The following TMEM117 variants were observed in gnomAD, a reference collection of about 807,000 sequenced individuals.
TMEM117 encodes the protein transmembrane protein 117.
Under a neutral mutation model 52.4 loss-of-function variants are expected in TMEM117, and 27 were observed. The ratio of observed to expected loss-of-function variants is 0.51; its 90% CI spans 0.38 to 0.71. The LOEUF is 0.71. Ranked by LOEUF, TMEM117 falls within the 30% of genes least tolerant of loss-of-function variation. The pLI, the probability that TMEM117 is intolerant of heterozygous loss-of-function variation, is 0.00. For missense variants in TMEM117, 556 were observed against 630.5 expected, an observed-to-expected ratio of 0.88 and a Z score of 1.26; for synonymous variants, 215 against 206.3, an observed-to-expected ratio of 1.04 and a Z score of -0.36.
chr12:44,090,839 G>GTGTTTTT (rs1947655828), intron 3 of TMEM117, among the ~76,000 whole-genome samples: 3 of 104,802 alleles, frequency 2.9e-5, no homozygotes, highest in South Asian at 5.7e-4. Flanking sequence ...GTATTTATGT[G>GTGTTTTT]TTTTTTTTTG....
chr12:44,238,467 A>G (rs1001327494), intron 5 of TMEM117, among the ~76,000 whole-genome samples: 4 of 152,114 alleles, frequency 2.6e-5, no homozygotes, highest in African/African-American at 7.2e-5. Flanking sequence ...ATCGCTATGA[A>G]AAAACTCAAC....
At chr12:44,006,387 T>G (rs926713960) in intron 3 of TMEM117, among the ~76,000 whole-genome samples, 1 of 152,132 alleles carries the variant, frequency 6.6e-6, no homozygotes, top group Non-Finnish European at 1.5e-5. Context: ...AGTGGGTACT[T>G]AGGAGAGAAA....
intron 4 of TMEM117, among the ~76,000 whole-genome samples, chr12:44,156,284 T>G (rs935119643): frequency 6.6e-6 from 1 of 152,082 alleles, no homozygotes; most frequent in Non-Finnish European, 1.5e-5. Context: ...GTACTTAATA[T>G]GCATTGTGGA....
At chr12:43,973,285 A>T (rs1048778305) in intron 3 of TMEM117, among the ~76,000 whole-genome samples, 9 of 152,222 alleles carry the variant, frequency 5.9e-5, no homozygotes, top group African/African-American at 1.9e-4. Flanking sequence ...GCAAGACAAA[A>T]AATGGAGAAA....
Position 44,006,743 on chromosome 12 carries a change from AT to A in TMEM117, c.410+62410del, listed in dbSNP as rs202224638. Among the ~76,000 whole-genome samples, 519 of 151,354 alleles carry A rather than the reference AT, an allele frequency of 3.4e-3. 5 individuals carry two copies. Among genetic ancestry groups the A allele is most frequent in the African/African-American group, 0.011 (468 of 41,304 alleles). On this transcript the variant is annotated intron_variant, in intron 3 of 7. Coordinates refer to ENST00000266534, the MANE Select transcript of TMEM117 (RefSeq NM_032256.3). ...AAAGATATCTCATAGCTCCACTTTC[AT>A]TTTTTTTTGTTTATAAAATATTCAC...
chr12:43,918,204 TG>T (rs1295109713), intron 2 of TMEM117, among the ~76,000 whole-genome samples: 3 of 152,204 alleles, frequency 2.0e-5, no homozygotes, highest in African/African-American at 7.2e-5. Context: ...TGTCATTGCC[TG>T]GAACAGTTCT....
chr12:44,366,603 C>G (rs930372020), intron 6 of TMEM117, among the ~76,000 whole-genome samples: 1 of 152,210 alleles, frequency 6.6e-6, no homozygotes, highest in South Asian at 2.1e-4. Context: ...TGACCTAACC[C>G]TCATTGAAGA....
chr12:44,227,697 T>C (rs1256923004), intron 5 of TMEM117, among the ~76,000 whole-genome samples: 1 of 152,158 alleles, frequency 6.6e-6, no homozygotes, highest in Admixed American at 6.6e-5. Context: ...AAGGTCCTTT[T>C]TGAGCATTGT....
At chr12:44,287,143 C>A (rs982768649) in intron 5 of TMEM117, among the ~76,000 whole-genome samples, 1 of 152,178 alleles carries the variant, frequency 6.6e-6, no homozygotes, top group Admixed American at 6.5e-5. Flanking sequence ...CTTAGTCTCA[C>A]ATTCTAATTT....
the TMEM117 span, among the ~76,000 whole-genome samples, chr12:43,828,974 G>T: frequency 1.3e-5 from 2 of 152,096 alleles, no homozygotes; most frequent in Non-Finnish European, 2.9e-5. Context: ...TAAAGAGACA[G>T]GACCTTGTTA....
rs560994101 is a variant in TMEM117 at position 43,890,692 on chromosome 12, C to G, written c.277+45764C>G. 3.9e-5 allele frequency among the ~76,000 whole-genome samples: 6 copies of G among 152,156 alleles called. No individual in the cohort carries two copies. The East Asian group carries it at 9.7e-4, about 25-fold the overall frequency. On this transcript the variant is annotated intron_variant, in intron 2 of 7. Transcript: ENST00000266534. ...GATTACAGGCATCCGCCACCACACC[C>G]GGCTAGTTTTTGTATTTTCAGTAGA...
At chr12:43,996,492 A>C (rs1205803160) in intron 3 of TMEM117, among the ~76,000 whole-genome samples, 1 of 151,870 alleles carries the variant, frequency 6.6e-6, no homozygotes, top group African/African-American at 2.4e-5. Context: ...AAATACAAAA[A>C]ATTAGCTGGG....
At chr12:44,184,330 A>G (rs1273516623) in intron 4 of TMEM117, among the ~76,000 whole-genome samples, 1 of 152,156 alleles carries the variant, frequency 6.6e-6, no homozygotes, top group East Asian at 1.9e-4. Flanking sequence ...GGGTGACAGA[A>G]TGGGACTCCA....
chr12:43,830,744 G>A, the TMEM117 span, among the ~76,000 whole-genome samples: 1 of 152,144 alleles, frequency 6.6e-6, no homozygotes, highest in Non-Finnish European at 1.5e-5. Context: ...AAGCAGGGCA[G>A]GGGTGAAATG....
At chr12:43,841,027 G>A (rs142017772) in intron 1 of TMEM117, among the ~76,000 whole-genome samples, 98 of 152,332 alleles carry the variant, frequency 6.4e-4, no homozygotes, top group African/African-American at 2.2e-3. Flanking sequence ...AACATTTGCA[G>A]CCTGTGTACG....
At chr12:43,934,631 C>T (rs74935007) in intron 2 of TMEM117, among the ~76,000 whole-genome samples, 1 of 152,072 alleles carries the variant, frequency 6.6e-6, no homozygotes, top group Non-Finnish European at 1.5e-5. Context: ...TTGAATTTCA[C>T]ATTGTAATCT....
In TMEM117 at chr12:44,275,417, C is replaced by T. The variant is rs145876671; in HGVS notation, c.609-24163C>T. On this transcript the variant is annotated intron_variant, in intron 5 of 7. Coordinates refer to ENST00000266534, the MANE Select transcript of TMEM117 (RefSeq NM_032256.3). The stretch of plus-strand genomic sequence containing the variant: ...CTTCAGAAAACTAAAAATAGAGCTA[C>T]CATATGATCAAGCAATCCCACTACT... 5.2e-3 allele frequency among the ~76,000 whole-genome samples: 792 copies of T among 152,072 alleles called. 5 individuals are homozygous for T. The highest frequency in any genetic ancestry group is 8.7e-3 in the Non-Finnish European group (592 of 67,938).
chr12:44,004,772 G>C lies in TMEM117; in HGVS notation c.410+60430G>C, dbSNP rs899703117. ...TCCCCTCCATTTTCAGGAATGTCAA[G>C]TTGGGGGTTTCTAGTATATTTTTGT... is the stretch of plus-strand genomic sequence containing the variant. On this transcript the variant is annotated intron_variant, in intron 3 of 7. Transcript: ENST00000266534. 3.9e-5 allele frequency among the ~76,000 whole-genome samples: 6 copies of C among 152,206 alleles called. No individual in the cohort carries two copies. The East Asian group carries it at 1.2e-3, about 29-fold the overall frequency.
intron 2 of TMEM117, among the ~76,000 whole-genome samples, chr12:43,856,744 C>T (rs76627004): frequency 0.016 from 2,382 of 151,878 alleles, 68 homozygotes; most frequent in African/African-American, 0.053. Context: ...TTTGTTTACC[C>T]ATGGTATCTG....
Sources: allele counts gnomAD v4.1 joint callset (sites outside exome capture counted in the v4.1 genomes callset), GRCh38; gene constraint gnomAD v4.1.1; transcripts MANE v1.5; gene names NCBI Gene and HGNC (gene_info 2026-07-23, HGNC 2026-07-21).